Variants in NRG3 observed in about 807,000 individuals in gnomAD.
NRG3 encodes the protein neuregulin 3, also known as pro-neuregulin-3, membrane-bound isoform.
NRG3 carries 31 observed loss-of-function variants against 66.9 expected under a neutral mutation model. That is an observed-to-expected ratio of 0.46 (90% CI 0.35 to 0.63). The LOEUF (loss-of-function observed/expected upper bound fraction) is 0.63, where lower values mean the gene tolerates loss of function less well. NRG3 is among the 20% of genes least tolerant of loss of function. The pLI is 0.00. For synonymous variants in NRG3, 393 were observed against 359.4 expected, an observed-to-expected ratio of 1.09 and a Z score of -1.06; for missense variants, 910 against 878.9, an observed-to-expected ratio of 1.04 and a Z score of -0.45.
chr10:82,488,456 T>C (rs1032320872), intron 2 of NRG3, among the ~76,000 whole-genome samples: 1 of 152,252 alleles, frequency 6.6e-6, no homozygotes, highest in Non-Finnish European at 1.5e-5. Context: ...CTGGACTACA[T>C]TGAGAAAGCC....
At chr10:82,469,278 C>G (rs538795728) in intron 2 of NRG3, among the ~76,000 whole-genome samples, 10 of 152,166 alleles carry the variant, frequency 6.6e-5, no homozygotes, top group Admixed American at 2.0e-4. Flanking sequence ...TTATTGAATG[C>G]TTGTGTTTAC....
chr10:82,539,792 C>T (rs2043408481), intron 2 of NRG3, among the ~76,000 whole-genome samples: 1 of 152,016 alleles, frequency 6.6e-6, no homozygotes, highest in African/African-American at 2.4e-5. Flanking sequence ...GCCACCACGG[C>T]CAGCTAATTT....
intron 1 of NRG3, among the ~76,000 whole-genome samples, chr10:82,118,106 T>C (rs1028835345): frequency 6.6e-6 from 1 of 152,038 alleles, no homozygotes; most frequent in African/African-American, 2.4e-5. Flanking sequence ...TGACTCACTG[T>C]TATTGTCTTG....
chr10:82,898,257 C>T (rs1843853360), intron 4 of NRG3, among the ~76,000 whole-genome samples: 1 of 152,204 alleles, frequency 6.6e-6, no homozygotes, highest in Non-Finnish European at 1.5e-5. Context: ...ATTGGTCTCT[C>T]CCTTTTTTAA....
chr10:82,043,151 A>C (rs1187945937), intron 1 of NRG3, among the ~76,000 whole-genome samples: 1 of 152,028 alleles, frequency 6.6e-6, no homozygotes, highest in Admixed American at 6.6e-5. Flanking sequence ...ATTATCTTTA[A>C]GTGAGGACAG....
chr10:82,625,554 G>T (rs56068705), intron 2 of NRG3, among the ~76,000 whole-genome samples: 1 of 152,166 alleles, frequency 6.6e-6, no homozygotes, highest in African/African-American at 2.4e-5. Flanking sequence ...GCCCAGCTTT[G>T]CTTGGCCACT....
chr10:82,105,800 A>C (rs749986186), intron 1 of NRG3, among the ~76,000 whole-genome samples: 3 of 152,238 alleles, frequency 2.0e-5, no homozygotes, highest in Admixed American at 2.0e-4. Context: ...GGGATAAAGG[A>C]ATGTCAAAAA....
rs906504520 is a variant in NRG3 at position 82,742,883 on chromosome 10, G to A, written c.1027+4233G>A. On this transcript the variant is annotated intron_variant, in intron 3 of 8. Transcript: ENST00000372141. ...TGAACTATGTGTCAGTCAGAACTGT[G>A]AGCCAGCGAAGGTTTTTCTCCATCT... Among the ~76,000 whole-genome samples the A allele has an allele frequency of 2.6e-5, 4 of 152,096 alleles. No homozygotes were observed. The South Asian group carries it at 6.2e-4, about 24-fold the overall frequency.
chr10:82,758,216 T>G (rs1161208743), intron 3 of NRG3, among the ~76,000 whole-genome samples: 1 of 152,126 alleles, frequency 6.6e-6, no homozygotes, highest in Admixed American at 6.6e-5. Flanking sequence ...TTTTTCCAAG[T>G]GTCTGTAATG....
intron 4 of NRG3, among the ~76,000 whole-genome samples, chr10:82,902,782 A>T (rs1330267373): frequency 6.6e-6 from 1 of 152,114 alleles, no homozygotes; most frequent in Admixed American, 6.6e-5. Context: ...GTCTCGGTCC[A>T]TTTACATGCA....
At chr10:82,090,468 A>T (rs1321928274) in intron 1 of NRG3, among the ~76,000 whole-genome samples, 2 of 152,260 alleles carry the variant, frequency 1.3e-5, no homozygotes, top group Non-Finnish European at 2.9e-5. Flanking sequence ...AATTTGAGAA[A>T]AGCAACAAAG....
chr10:82,598,631 A>G (rs149135407), intron 2 of NRG3, among the ~76,000 whole-genome samples: 1 of 152,340 alleles, frequency 6.6e-6, no homozygotes, highest in Non-Finnish European at 1.5e-5. Flanking sequence ...GATTGTCTAT[A>G]TCAAATTATG....
chr10:82,731,816 T>C (rs577785344), intron 2 of NRG3, among the ~76,000 whole-genome samples: 99 of 152,314 alleles, frequency 6.5e-4, no homozygotes, highest in African/African-American at 2.3e-3. Flanking sequence ...AATCATATGG[T>C]ACTTCTATTT....
intron 3 of NRG3, among the ~76,000 whole-genome samples, chr10:82,773,691 T>C (rs1577464): frequency 0.12 from 19,015 of 152,164 alleles, 1,428 homozygotes; most frequent in African/African-American, 0.21. Context: ...TTATTATCAA[T>C]TAATTAATTT....
chr10:82,542,662 A>G (rs1040647407), intron 2 of NRG3, among the ~76,000 whole-genome samples: 1 of 152,234 alleles, frequency 6.6e-6, no homozygotes, highest in Non-Finnish European at 1.5e-5. Flanking sequence ...GGAACAGCTG[A>G]TAGAATAAAA....
chr10:82,290,467 C>G (rs2079661032), intron 1 of NRG3, among the ~76,000 whole-genome samples: 1 of 152,092 alleles, frequency 6.6e-6, no homozygotes, highest in Admixed American at 6.6e-5. Context: ...ACGTGATTTT[C>G]TTGAAGACAA....
At chr10:82,770,821 T>A (rs541158016) in intron 3 of NRG3, among the ~76,000 whole-genome samples, 2 of 152,196 alleles carry the variant, frequency 1.3e-5, no homozygotes, top group South Asian at 4.1e-4. Flanking sequence ...ATTTTGGGTG[T>A]CTTGGACAAG....
At chr10:82,206,386 G>T (rs1383484221) in intron 1 of NRG3, among the ~76,000 whole-genome samples, 1 of 152,154 alleles carries the variant, frequency 6.6e-6, no homozygotes, top group Non-Finnish European at 1.5e-5. Context: ...CCCCTCTGCA[G>T]GAATTACTAA....
chr10:82,072,343 C>G (rs2064855469), intron 1 of NRG3, among the ~76,000 whole-genome samples: 1 of 152,204 alleles, frequency 6.6e-6, no homozygotes, highest in Non-Finnish European at 1.5e-5. Flanking sequence ...CATCTTTCTT[C>G]CCTGACTTAA....
Sources: allele counts gnomAD v4.1 joint callset (sites outside exome capture counted in the v4.1 genomes callset), GRCh38; gene constraint gnomAD v4.1.1; transcripts MANE v1.5; gene names NCBI Gene and HGNC (gene_info 2026-07-23, HGNC 2026-07-21).